Variants in PDGFC observed in about 807,000 individuals in gnomAD.
The protein encoded by PDGFC is platelet derived growth factor C.
In PDGFC, 12 loss-of-function variants were observed where a neutral mutation model predicts 35.5. The ratio of observed to expected loss-of-function variants is 0.34; its 90% CI spans 0.22 to 0.55. The LOEUF is 0.55. Among genes scored for constraint, PDGFC ranks in the 20% least tolerant of loss-of-function variants. The probability of loss-of-function intolerance (pLI) is 0.91; values close to 1 mark genes in which losing one functional copy is unlikely to be tolerated. For missense variants in PDGFC, 322 were observed against 412.4 expected (o/e 0.78, Z 1.90); for synonymous variants, 159 against 148.8 (o/e 1.07, Z -0.50).
chr4:156,828,052 C>A (rs1440333422), intron 2 of PDGFC, among the ~76,000 whole-genome samples: 1 of 152,184 alleles, frequency 6.6e-6, no homozygotes, highest in African/African-American at 2.4e-5. Context: ...AATGAAGCTA[C>A]TTCCGCCGGA....
At chr4:156,824,311 TATATATATATATATATACACAC>T (rs1732366384) in intron 2 of PDGFC, among the ~76,000 whole-genome samples, 1 of 45,850 alleles carries the variant, frequency 2.2e-5, no homozygotes, top group African/African-American at 7.1e-5. Flanking sequence ...TATATATATA[TATATATATATATATATACACAC>T]ACACACACAC....
chr4:156,890,960 G>A (rs1730489908), intron 1 of PDGFC, among the ~76,000 whole-genome samples: 1 of 151,944 alleles, frequency 6.6e-6, no homozygotes, highest in African/African-American at 2.4e-5. Context: ...TTAAGGATGG[G>A]ATATGTTATA....
intron 1 of PDGFC, among the ~76,000 whole-genome samples, chr4:156,868,502 G>A (rs892323214): frequency 1.5e-4 from 23 of 152,092 alleles, no homozygotes; most frequent in Admixed American, 2.6e-4. Flanking sequence ...GATGCTTTAC[G>A]ATGAACAAAA....
chr4:156,809,946 C>T (rs1328090770), intron 3 of PDGFC, among the ~76,000 whole-genome samples: 2 of 151,762 alleles, frequency 1.3e-5, no homozygotes, highest in Non-Finnish European at 2.9e-5. Flanking sequence ...TAATATATCC[C>T]ATATTTAAAT....
At chr4:156,792,959 G>C (rs747848394) in intron 3 of PDGFC, among the ~76,000 whole-genome samples, 28 of 152,094 alleles carry the variant, frequency 1.8e-4, no homozygotes, top group Non-Finnish European at 3.7e-4. Flanking sequence ...CTGGAGTGTT[G>C]AATCAGAAAC....
At chr4:156,830,246 C>T (rs542553297) in intron 2 of PDGFC, among the ~76,000 whole-genome samples, 1 of 148,584 alleles carries the variant, frequency 6.7e-6, no homozygotes, top group Non-Finnish European at 1.5e-5. Flanking sequence ...ACAGGAATTG[C>T]ATTAAAAAAA....
At chr4:156,826,719 T>C (rs1005212874) in intron 2 of PDGFC, among the ~76,000 whole-genome samples, 2 of 152,170 alleles carry the variant, frequency 1.3e-5, no homozygotes, top group African/African-American at 4.8e-5. Context: ...AGTAGCATGA[T>C]AATAAAATTT....
At chr4:156,799,837 A>G (rs1252217869) in intron 3 of PDGFC, among the ~76,000 whole-genome samples, 3 of 152,178 alleles carry the variant, frequency 2.0e-5, no homozygotes, top group South Asian at 2.1e-4. Context: ...TTTATAGATT[A>G]CCGTGTGGAG....
chr4:156,796,382 T>C (rs1054312293), intron 3 of PDGFC, among the ~76,000 whole-genome samples: 4 of 152,046 alleles, frequency 2.6e-5, no homozygotes, highest in African/African-American at 9.7e-5. Context: ...GTTTGGTGAA[T>C]TGTACCAAGT....
At position 156,782,206 on chromosome 4, in the gene PDGFC, T is replaced by G. The variant is rs986049855; in HGVS notation, c.496-9313A>C. Among the ~76,000 whole-genome samples the G allele has an allele frequency of 3.3e-5, 5 of 152,186 alleles. No homozygotes were observed. The East Asian group carries it at 7.7e-4, about 23-fold the overall frequency. ...GCAAATTAATCTTTATGGCTACGAATACCTCTGTGCTAAAGAACTTAAAAA... is the reference window on the plus strand; with the variant it reads ...GCAAATTAATCTTTATGGCTACGAAGACCTCTGTGCTAAAGAACTTAAAAA... On this transcript the variant is annotated intron_variant, in intron 3 of 5. Coordinates refer to ENST00000502773, the MANE Select transcript of PDGFC (RefSeq NM_016205.3).
At chr4:156,777,379 G>C (rs761125012) in intron 3 of PDGFC, among the ~76,000 whole-genome samples, 13 of 152,288 alleles carry the variant, frequency 8.5e-5, no homozygotes, top group Non-Finnish European at 1.8e-4. Flanking sequence ...CCTACTCACA[G>C]TATCTCAGAA....
chr4:156,962,913 C>A (rs1732375687), intron 1 of PDGFC, among the ~76,000 whole-genome samples: 1 of 152,132 alleles, frequency 6.6e-6, no homozygotes, highest in Non-Finnish European at 1.5e-5. Flanking sequence ...TTAGACCCAT[C>A]CAACTACCCT....
chr4:156,853,103 C>A (rs1729493619), intron 1 of PDGFC, among the ~76,000 whole-genome samples: 1 of 152,186 alleles, frequency 6.6e-6, no homozygotes, highest in Non-Finnish European at 1.5e-5. Context: ...GTAGAAATTT[C>A]TTACATAATA....
intron 4 of PDGFC, among the ~76,000 whole-genome samples, chr4:156,769,022 C>T (rs1730619589): frequency 1.3e-5 from 2 of 151,812 alleles, no homozygotes; most frequent in South Asian, 4.2e-4. Flanking sequence ...TTTTTTTCCC[C>T]TAGAAATATT....
At chr4:156,968,463 A>T (rs1732516896) in intron 1 of PDGFC, among the ~76,000 whole-genome samples, 1 of 152,158 alleles carries the variant, frequency 6.6e-6, no homozygotes, top group South Asian at 2.1e-4. Context: ...ATAATTCAGT[A>T]TGTGGGCAAA....
chr4:156,874,891 AT>A (rs1295049247), intron 1 of PDGFC, among the ~76,000 whole-genome samples: 1 of 151,538 alleles, frequency 6.6e-6, no homozygotes, highest in Non-Finnish European at 1.5e-5. Context: ...TAATTTTTGT[AT>A]TTTTTTGTAG....
chr4:156,931,431 G>A (rs1380691152), intron 1 of PDGFC, among the ~76,000 whole-genome samples: 4 of 152,120 alleles, frequency 2.6e-5, no homozygotes, highest in African/African-American at 4.8e-5. Context: ...TCACGTCTTC[G>A]GTTATTGCAT....
chr4:156,894,734 A>C (rs535564021), intron 1 of PDGFC, among the ~76,000 whole-genome samples: 32 of 152,304 alleles, frequency 2.1e-4, no homozygotes, highest in Middle Eastern at 6.8e-3. Context: ...TCTATAGTTA[A>C]AAAGTCAGAA....
intron 1 of PDGFC, among the ~76,000 whole-genome samples, chr4:156,888,504 C>T (rs1730428673): frequency 6.6e-6 from 1 of 152,232 alleles, no homozygotes; most frequent in South Asian, 2.1e-4. Context: ...CTGTAAAGAA[C>T]ATCCCCATCA....
Sources: gnomAD v4.1 joint callset for allele counts (sites outside exome capture counted in the v4.1 genomes callset) on GRCh38, gnomAD v4.1.1 for gene constraint, MANE v1.5 for transcripts, NCBI Gene and HGNC (gene_info 2026-07-23, HGNC 2026-07-21) for gene names.